Variants in PHACTR1 observed in about 807,000 individuals in gnomAD.
PHACTR1 encodes phosphatase and actin regulator 1.
In PHACTR1, 16 loss-of-function variants were observed where a neutral mutation model predicts 69.2. The ratio of observed to expected loss-of-function variants is 0.23; its 90% CI spans 0.16 to 0.35. The LOEUF (loss-of-function observed/expected upper bound fraction) is 0.35, where lower values mean the gene tolerates loss of function less well. PHACTR1 is among the 10% of genes least tolerant of loss of function. The pLI is 1.00. For synonymous variants in PHACTR1, 312 were observed against 284.5 expected (o/e 1.10, Z -0.97); for missense variants, 510 against 734.7 (o/e 0.69, Z 3.54).
chr6:12,868,171 C>T (rs372919845), intron 4 of PHACTR1, among the ~76,000 whole-genome samples: 4 of 151,362 alleles, frequency 2.6e-5, no homozygotes, highest in African/African-American at 9.7e-5. Context: ...GCAGGAGAAT[C>T]GCTTGAACCA....
chr6:12,862,883 T>A (rs1268331218), intron 4 of PHACTR1, among the ~76,000 whole-genome samples: 1 of 152,240 alleles, frequency 6.6e-6, no homozygotes, highest in African/African-American at 2.4e-5. Flanking sequence ...AAGACCCCTC[T>A]GCAATTGAAG....
intron 4 of PHACTR1, among the ~76,000 whole-genome samples, chr6:12,997,427 A>G (rs889075665): frequency 5.0e-4 from 74 of 149,276 alleles, no homozygotes; most frequent in African/African-American, 1.6e-3. Flanking sequence ...TATATGGGGG[A>G]TGGGGAGGAG....
intron 4 of PHACTR1, among the ~76,000 whole-genome samples, chr6:12,798,819 A>G (rs1210628412): frequency 6.6e-6 from 1 of 152,352 alleles, no homozygotes; most frequent in East Asian, 1.9e-4. Context: ...TTTAGAATAA[A>G]TTCATATGGT....
At chr6:12,794,522 A>G (rs1398897737) in intron 4 of PHACTR1, among the ~76,000 whole-genome samples, 1 of 152,256 alleles carries the variant, frequency 6.6e-6, no homozygotes, top group African/African-American at 2.4e-5. Flanking sequence ...GACTAGCCAC[A>G]TTAGAAAAAG....
chr6:12,915,948 C>A (rs1786938880), intron 4 of PHACTR1, among the ~76,000 whole-genome samples: 1 of 152,244 alleles, frequency 6.6e-6, no homozygotes, highest in South Asian at 2.1e-4. Context: ...ACAAAATTAT[C>A]TTTATTATGC....
At chr6:12,928,357 G>T (rs980951473) in intron 4 of PHACTR1, among the ~76,000 whole-genome samples, 15 of 152,204 alleles carry the variant, frequency 9.9e-5, no homozygotes, top group Admixed American at 4.6e-4. Context: ...TGCCCGGCAC[G>T]TTCAACGTTC....
chr6:13,127,494 C>T (rs1402187816), intron 5 of PHACTR1, among the ~76,000 whole-genome samples: 1 of 152,114 alleles, frequency 6.6e-6, no homozygotes, highest in Non-Finnish European at 1.5e-5. Context: ...CACTTGAGCC[C>T]AGGAGGTTGA....
intron 4 of PHACTR1, among the ~76,000 whole-genome samples, chr6:12,902,031 T>C (rs1008016096): frequency 6.6e-6 from 1 of 152,092 alleles, no homozygotes; most frequent in Non-Finnish European, 1.5e-5. Context: ...CATCTAACAG[T>C]GTAGCCAGGG....
At chr6:12,790,412 T>C (rs1245969061) in intron 4 of PHACTR1, among the ~76,000 whole-genome samples, 1 of 152,208 alleles carries the variant, frequency 6.6e-6, no homozygotes, top group Non-Finnish European at 1.5e-5. Context: ...CCAGGTATCA[T>C]GTAACTCACT....
chr6:13,074,974 A>G (rs1810192557), intron 5 of PHACTR1, among the ~76,000 whole-genome samples: 1 of 152,240 alleles, frequency 6.6e-6, no homozygotes, highest in African/African-American at 2.4e-5. Context: ...TTTCTGCAAA[A>G]ACATGAAAGA....
At chr6:12,874,628 A>C (rs1242039994) in intron 4 of PHACTR1, among the ~76,000 whole-genome samples, 3 of 152,142 alleles carry the variant, frequency 2.0e-5, no homozygotes, top group Non-Finnish European at 4.4e-5. Context: ...CACCATCTAC[A>C]TCCTCCTCCT....
intron 4 of PHACTR1, among the ~76,000 whole-genome samples, chr6:12,985,531 A>T (rs1796045664): frequency 1.3e-5 from 1 of 76,274 alleles, no homozygotes; most frequent in Non-Finnish European, 2.6e-5. Context: ...TACAAATTAA[A>T]AAAAAAAAAA....
At chr6:12,865,006 T>G (rs1322153576) in intron 4 of PHACTR1, among the ~76,000 whole-genome samples, 1 of 152,196 alleles carries the variant, frequency 6.6e-6, no homozygotes, top group African/African-American at 2.4e-5. Flanking sequence ...TTAGTGCTGG[T>G]TAGCACTAGC....
At chr6:13,000,614 G>GAGGAAGGAAGGAAGGA (rs796923836) in intron 4 of PHACTR1, among the ~76,000 whole-genome samples, 4,948 of 103,690 alleles carry the variant, frequency 0.048, 288 homozygotes, top group African/African-American at 0.11. Context: ...GGAGGGAAGG[G>GAGGAAGGAAGGAAGGA]AGGAAGGAAG....
chr6:12,737,582 A>C (rs1341014301), intron 3 of PHACTR1, among the ~76,000 whole-genome samples: 5 of 146,088 alleles, frequency 3.4e-5, no homozygotes, highest in Non-Finnish European at 7.5e-5. Context: ...TTTACTGTGT[A>C]TTTCTTTCTT....
intron 4 of PHACTR1, among the ~76,000 whole-genome samples, chr6:12,831,642 G>A (rs957394632): frequency 6.6e-6 from 1 of 152,102 alleles, no homozygotes; most frequent in Non-Finnish European, 1.5e-5. Context: ...ATTGTTCTAT[G>A]TTTCATCAGA....
intron 2 of PHACTR1, among the ~76,000 whole-genome samples, chr6:12,718,004 G>T (rs1761608431): frequency 6.6e-6 from 1 of 152,038 alleles, no homozygotes; most frequent in African/African-American, 2.4e-5. Flanking sequence ...ATGTTTTCTG[G>T]GGAAGTATAT....
In PHACTR1 at chr6:13,177,172, T is replaced by TAAAAAAAAAAAAAAAAAAA. The variant is rs530741132; in HGVS notation, c.497-5334_497-5316dup. ...TGGCAAAATAGCAAGACCCCATCTC[T>TAAAAAAAAAAAAAAAAAAA]AAAAAAAAAAAAAAAAAAAAAAAAA... On this transcript the variant is annotated intron_variant, in intron 6 of 14. Coordinates refer to ENST00000332995, the MANE Select transcript of PHACTR1 (RefSeq NM_030948.6). Among the ~76,000 whole-genome samples the TAAAAAAAAAAAAAAAAAAA allele has an allele frequency of 3.6e-4, 23 of 63,364 alleles. 3 individuals are homozygous for TAAAAAAAAAAAAAAAAAAA. Among genetic ancestry groups the TAAAAAAAAAAAAAAAAAAA allele is most frequent in the African/African-American group, 2.1e-3 (21 of 9,784 alleles). The allele number at this position is 63,364 out of a possible 152,430, so 41.6% of individuals were successfully genotyped here.
chr6:13,045,680 G>A (rs1804905765), intron 4 of PHACTR1, among the ~76,000 whole-genome samples: 1 of 152,186 alleles, frequency 6.6e-6, no homozygotes, highest in South Asian at 2.1e-4. Context: ...TTGGACCTAT[G>A]GATCCCTGAG....
Sources: allele counts gnomAD v4.1 joint callset (sites outside exome capture counted in the v4.1 genomes callset), GRCh38; gene constraint gnomAD v4.1.1; transcripts MANE v1.5; gene names NCBI Gene and HGNC (gene_info 2026-07-23, HGNC 2026-07-21).